TYW1B: variants seen among roughly 807,000 people sequenced by gnomAD.
TYW1B encodes the protein S-adenosyl-L-methionine-dependent tRNA 4-demethylwyosine synthase TYW1B.
A neutral mutation model predicts 86.9 loss-of-function variants in TYW1B; 73 were observed. The observed-to-expected ratio is 0.84, with a 90% CI of 0.70 to 1.02. TYW1B has a LOEUF of 1.02. TYW1B is among the 50% of genes least tolerant of loss of function. The pLI is 0.00. For missense variants in TYW1B, 637 were observed against 827.4 expected (o/e 0.77, Z 2.82); for synonymous variants, 248 against 292.8 (o/e 0.85, Z 1.56).
intron 7 of TYW1B, among the ~76,000 whole-genome samples, chr7:72,754,299 C>T (rs929163319): frequency 1.3e-5 from 2 of 152,016 alleles, no homozygotes; most frequent in African/African-American, 2.4e-5. Context: ...GCTGCCACCA[C>T]GTCTGGCTAA....
At chr7:72,761,308 A>G (rs1368553416) in intron 7 of TYW1B, among the ~76,000 whole-genome samples, 16 of 152,310 alleles carry the variant, frequency 1.1e-4, no homozygotes, top group East Asian at 7.7e-4. Context: ...GTTTTCACTA[A>G]AAGTAAAGGT....
intron 11 of TYW1B, among the ~76,000 whole-genome samples, chr7:72,674,618 C>T (rs1813691600): frequency 6.6e-6 from 1 of 152,050 alleles, no homozygotes; most frequent in Non-Finnish European, 1.5e-5. Context: ...TTAAACTGGC[C>T]ACATAGTGTT....
chr7:72,799,834 C>CA (rs1788374677), intron 6 of TYW1B, among the ~76,000 whole-genome samples: 1 of 152,094 alleles, frequency 6.6e-6, no homozygotes, highest in African/African-American at 2.4e-5. Context: ...ATATAAGGGG[C>CA]AAATAGTTCC....
At chr7:72,739,976 A>G (rs1554461749) in intron 8 of TYW1B, among the ~76,000 whole-genome samples, 1 of 148,650 alleles carries the variant, frequency 6.7e-6, no homozygotes, top group African/African-American at 2.5e-5. Context: ...TCAAGTCTGT[A>G]ATCCCGGCAC....
chr7:72,616,634 T>C, intron 13 of TYW1B, 38 bp downstream of exon 13: 1 of 1,613,804 alleles, frequency 6.2e-7, no homozygotes, highest in Non-Finnish European at 8.5e-7. Context: ...AACAGCAGGG[T>C]CAGGGAACAG....
Position 72,828,190 on chromosome 7 carries a change from TGC to T in TYW1B, c.-117_-116del. ...CGGCGTTAGCGCCGTACCGAGTGGC[TGC>T]AGAACTGTGGGCAGCTACGACGCTG... On this transcript the variant is annotated 5_prime_UTR_variant, in exon 1 of 14. Coordinates refer to ENST00000620995, the MANE Select transcript of TYW1B (RefSeq NM_001145440.3). The T allele has an allele frequency of 6.4e-7, 1 of 1,558,010 alleles. No homozygotes were observed. The highest frequency in any genetic ancestry group is 8.7e-7 in the Non-Finnish European group (1 of 1,147,266).
chr7:72,584,134 C>T (rs1422020520), intron 13 of TYW1B, among the ~76,000 whole-genome samples: 4 of 152,346 alleles, frequency 2.6e-5, no homozygotes, highest in Admixed American at 2.6e-4. Context: ...GCAGCCTCAA[C>T]TTCTTTGGCT....
At chr7:72,612,525 C>T (rs1811958889) in intron 13 of TYW1B, among the ~76,000 whole-genome samples, 2 of 152,144 alleles carry the variant, frequency 1.3e-5, no homozygotes, top group Non-Finnish European at 1.5e-5. Context: ...GGTACCTTTT[C>T]ATAGATAGCT....
chr7:72,700,403 C>G (rs1296339443), intron 10 of TYW1B, among the ~76,000 whole-genome samples: 8 of 151,932 alleles, frequency 5.3e-5, no homozygotes, highest in Non-Finnish European at 1.0e-4. Context: ...CTTGAATTGA[C>G]TGCAGGTGAT....
At chr7:72,659,369 A>T (rs1171628805) in intron 11 of TYW1B, among the ~76,000 whole-genome samples, 7 of 152,126 alleles carry the variant, frequency 4.6e-5, no homozygotes, top group Non-Finnish European at 8.8e-5. Context: ...ACCAGAGGTC[A>T]GGAGTTCAAG....
intron 11 of TYW1B, among the ~76,000 whole-genome samples, chr7:72,654,086 G>GAAA (rs56251020): frequency 2.6e-4 from 31 of 118,612 alleles, no homozygotes; most frequent in African/African-American, 9.3e-4. Context: ...TCACAAAAAA[G>GAAA]AAAAAAAAAA....
At chr7:72,609,709 A>G (rs1249177742) in intron 13 of TYW1B, among the ~76,000 whole-genome samples, 1 of 152,224 alleles carries the variant, frequency 6.6e-6, no homozygotes, top group African/African-American at 2.4e-5. Flanking sequence ...ACCAGGCCTG[A>G]GAAGTGACTA....
intron 7 of TYW1B, among the ~76,000 whole-genome samples, chr7:72,751,187 G>A (rs577173275): frequency 6.6e-5 from 10 of 152,160 alleles, no homozygotes; most frequent in Admixed American, 2.0e-4. Context: ...ACAGGTGTGC[G>A]TCAGCACACC....
chr7:72,816,021 C>A (rs1210141477), intron 2 of TYW1B, among the ~76,000 whole-genome samples: 2 of 152,028 alleles, frequency 1.3e-5, no homozygotes, highest in Non-Finnish European at 2.9e-5. Flanking sequence ...AGACTGAGAT[C>A]CTGTCTCATA....
chr7:72,826,864 G>A lies in TYW1B; in HGVS notation c.126C>T (p.Ile42=), dbSNP rs1788940905. 6.8e-6 allele frequency: 11 copies of A among 1,611,774 alleles called. No individual in the cohort carries two copies. Among genetic ancestry groups the A allele is most frequent in the South Asian group, 3.3e-5 (3 of 90,558 alleles). ...AAATAACTCCACTTACCTGCATCTC[G>A]ATGACAATCTGGACACAAATCCAAA... ...ISLWICVQIV[I]EMQGFATVLA... The change falls in exon 2 of 14, where the codon ATC becomes ATT. Residue 42 remains isoleucine (I), a synonymous_variant. Coordinates refer to ENST00000620995, the MANE Select transcript of TYW1B (RefSeq NM_001145440.3).
At chr7:72,707,184 A>G (rs1439569440) in intron 10 of TYW1B, among the ~76,000 whole-genome samples, 1 of 152,244 alleles carries the variant, frequency 6.6e-6, no homozygotes, top group Non-Finnish European at 1.5e-5. Flanking sequence ...GCTTTGGTCC[A>G]TGGGAAGTGA....
intron 13 of TYW1B, among the ~76,000 whole-genome samples, chr7:72,601,170 A>G (rs1400444298): frequency 1.1e-4 from 17 of 151,750 alleles, no homozygotes; most frequent in African/African-American, 3.9e-4. Context: ...ATAAAAATAA[A>G]CCAACCTAAT....
intron 5 of TYW1B, among the ~76,000 whole-genome samples, chr7:72,806,137 T>A (rs1253328901): frequency 6.6e-6 from 1 of 151,942 alleles, no homozygotes; most frequent in Non-Finnish European, 1.5e-5. Context: ...AAATTTAACT[T>A]CTCTGTGGCT....
chr7:72,786,315 T>C (rs1788128529), intron 6 of TYW1B, among the ~76,000 whole-genome samples: 1 of 152,144 alleles, frequency 6.6e-6, no homozygotes, highest in Non-Finnish European at 1.5e-5. Flanking sequence ...AAAATAGGTA[T>C]CTTTCCCAAA....
Sources: gnomAD v4.1 joint callset for allele counts (sites outside exome capture counted in the v4.1 genomes callset) on GRCh38, gnomAD v4.1.1 for gene constraint, MANE v1.5 for transcripts, NCBI Gene and HGNC (gene_info 2026-07-23, HGNC 2026-07-21) for gene names.